Variants in VAT1L observed in about 807,000 individuals in gnomAD.
VAT1L encodes the protein vesicle amine transport 1 like.
In VAT1L, 34 loss-of-function variants were observed where a neutral mutation model predicts 44.1. That is an observed-to-expected ratio of 0.77 (90% CI 0.59 to 1.03). The LOEUF is 1.03. Among genes scored for constraint, VAT1L ranks in the 50% least tolerant of loss-of-function variants. The pLI is 0.00. For missense variants in VAT1L, 615 were observed against 538.8 expected, an observed-to-expected ratio of 1.14 and a Z score of -1.40; for synonymous variants, 253 against 202.2, an observed-to-expected ratio of 1.25 and a Z score of -2.13.
intron 7 of VAT1L, among the ~76,000 whole-genome samples, chr16:77,951,013 G>A (rs2018036080): frequency 6.6e-6 from 1 of 152,158 alleles, no homozygotes; most frequent in Admixed American, 6.5e-5. Context: ...CCATTGTATA[G>A]GTTTTGGAGA....
At chr16:77,958,367 T>G (rs1317640338) in intron 7 of VAT1L, among the ~76,000 whole-genome samples, 2 of 152,186 alleles carry the variant, frequency 1.3e-5, no homozygotes, top group African/African-American at 4.8e-5. Context: ...TCTTACACAC[T>G]GCGCAACAGA....
chr16:77,925,377 T>C (rs541963584), intron 7 of VAT1L, among the ~76,000 whole-genome samples: 2 of 152,320 alleles, frequency 1.3e-5, no homozygotes, highest in East Asian at 3.9e-4. Flanking sequence ...AAATAGTCAC[T>C]AATTTCACCT....
At chr16:77,941,770 G>C (rs899106167) in intron 7 of VAT1L, among the ~76,000 whole-genome samples, 2 of 151,958 alleles carry the variant, frequency 1.3e-5, no homozygotes, top group African/African-American at 4.8e-5. Flanking sequence ...TGTATTTTTG[G>C]TAGAAACAGG....
At chr16:77,945,856 G>A (rs2017955543) in intron 7 of VAT1L, among the ~76,000 whole-genome samples, 1 of 149,204 alleles carries the variant, frequency 6.7e-6, no homozygotes, top group African/African-American at 2.5e-5. Context: ...AGGCTGGAGT[G>A]CAGTGGCACG....
intron 7 of VAT1L, among the ~76,000 whole-genome samples, chr16:77,902,394 A>T (rs965495218): frequency 7.2e-5 from 11 of 152,236 alleles, no homozygotes; most frequent in African/African-American, 2.7e-4. Context: ...AAGGCATTTG[A>T]TGAAATTCAG....
chr16:77,920,627 C>A (rs7198571), intron 7 of VAT1L, among the ~76,000 whole-genome samples: 5,351 of 152,156 alleles, frequency 0.035, 325 homozygotes, highest in African/African-American at 0.12. Flanking sequence ...AGTCCACAGA[C>A]GTTTGCTTAA....
intron 7 of VAT1L, among the ~76,000 whole-genome samples, chr16:77,902,250 A>T (rs1567503148): frequency 6.6e-6 from 1 of 152,246 alleles, no homozygotes; most frequent in Non-Finnish European, 1.5e-5. Flanking sequence ...GGATGGAATA[A>T]GAAATGCATG....
At chr16:77,876,519 C>G (rs77612253) in intron 5 of VAT1L, 46 bp downstream of exon 5, 6 of 1,541,444 alleles carry the variant, frequency 3.9e-6, no homozygotes, top group Non-Finnish European at 5.4e-6. Flanking sequence ...ATAGGTACCT[C>G]TACATATGTG....
chr16:77,863,277 G>A (rs534115742), intron 4 of VAT1L, among the ~76,000 whole-genome samples: 35 of 152,272 alleles, frequency 2.3e-4, no homozygotes, highest in African/African-American at 8.4e-4. Context: ...TATTGTCTTG[G>A]GTCTAAAGGT....
intron 2 of VAT1L, among the ~76,000 whole-genome samples, chr16:77,824,363 G>T (rs1476107306): frequency 1.3e-5 from 2 of 152,188 alleles, no homozygotes. Flanking sequence ...ACATAGAGCT[G>T]TCAATGGTTC....
intron 1 of VAT1L, chr16:77,801,490 A>C (rs1351069455): frequency 6.6e-6 from 1 of 152,014 alleles, no homozygotes; most frequent in Non-Finnish European, 1.5e-5. Context: ...AACTCACTTT[A>C]CCCTTAGGAT....
At chr16:77,834,248 A>G (rs574217351) in intron 3 of VAT1L, among the ~76,000 whole-genome samples, 32 of 152,130 alleles carry the variant, frequency 2.1e-4, no homozygotes, top group Non-Finnish European at 4.4e-4. Flanking sequence ...TTACTTCAGT[A>G]ATACCGAAGG....
intron 7 of VAT1L, among the ~76,000 whole-genome samples, chr16:77,942,981 G>A (rs1310219066): frequency 1.3e-5 from 2 of 151,896 alleles, no homozygotes; most frequent in African/African-American, 2.4e-5. Flanking sequence ...CTGATCTCAG[G>A]TGATCTGCCC....
intron 7 of VAT1L, among the ~76,000 whole-genome samples, chr16:77,925,217 G>A (rs1282282100): frequency 6.6e-6 from 1 of 152,096 alleles, no homozygotes; most frequent in Admixed American, 6.5e-5. Flanking sequence ...TCAGGTTCAC[G>A]TGCAGCCTGG....
At chr16:77,881,870 T>C (rs1444874771) in intron 6 of VAT1L, among the ~76,000 whole-genome samples, 1 of 152,262 alleles carries the variant, frequency 6.6e-6, no homozygotes, top group African/African-American at 2.4e-5. Flanking sequence ...GTAACCACAC[T>C]GGTCCCAAAT....
intron 7 of VAT1L, among the ~76,000 whole-genome samples, chr16:77,959,381 C>T (rs2018138244): frequency 6.6e-6 from 1 of 152,212 alleles, no homozygotes; most frequent in Admixed American, 6.5e-5. Flanking sequence ...GAACATGTTA[C>T]ATTTAAATAC....
chr16:77,870,662 G>A (rs2017021893), intron 4 of VAT1L, among the ~76,000 whole-genome samples: 1 of 152,198 alleles, frequency 6.6e-6, no homozygotes, highest in South Asian at 2.1e-4. Context: ...GGGGCTATTT[G>A]TGTTTGCTTT....
intron 7 of VAT1L, among the ~76,000 whole-genome samples, chr16:77,891,071 T>C (rs976655702): frequency 2.0e-5 from 3 of 152,120 alleles, no homozygotes; most frequent in African/African-American, 7.2e-5. Context: ...ATTCAGCTTC[T>C]CGGCCGGGCG....
At chr16:77,945,797 C>CTTTTT (rs58436423) in intron 7 of VAT1L, among the ~76,000 whole-genome samples, 4 of 141,170 alleles carry the variant, frequency 2.8e-5, no homozygotes, top group Non-Finnish European at 6.1e-5. Flanking sequence ...AGTGGCTTGA[C>CTTTTT]TTTTTTTTTT....
Sources: gnomAD v4.1 joint callset for allele counts (sites outside exome capture counted in the v4.1 genomes callset) on GRCh38, gnomAD v4.1.1 for gene constraint, MANE v1.5 for transcripts, NCBI Gene and HGNC (gene_info 2026-07-23, HGNC 2026-07-21) for gene names.